CSMD3: variants seen among roughly 807,000 people sequenced by gnomAD.
CSMD3 encodes the protein CUB and Sushi multiple domains 3.
In CSMD3, 177 loss-of-function variants were observed where a neutral mutation model predicts 435.2. The observed-to-expected ratio is 0.41, with a 90% CI of 0.36 to 0.46. The LOEUF (loss-of-function observed/expected upper bound fraction) is 0.46. Among genes scored for constraint, CSMD3 ranks in the 20% least tolerant of loss-of-function variants. CSMD3 has a pLI of 0.34. For synonymous variants in CSMD3, 1,656 were observed against 1,520.5 expected (o/e 1.09, Z -2.07); for missense variants, 4,265 against 4,504.6 (o/e 0.95, Z 1.52).
intron 3 of CSMD3, among the ~76,000 whole-genome samples, chr8:113,277,534 A>C (rs2093581058): frequency 6.6e-6 from 1 of 152,014 alleles, no homozygotes; most frequent in Non-Finnish European, 1.5e-5. Flanking sequence ...CAAGATGTTA[A>C]CATTTATACT....
rs375495189 is a variant in CSMD3 at position 112,257,981 on chromosome 8, T to A, written c.9863-2554A>T. Among the ~76,000 whole-genome samples the A allele has an allele frequency of 3.8e-4, 58 of 152,070 alleles. No homozygotes were observed. In the South Asian group the frequency reaches 0.012, roughly 31 times the overall value. On this transcript the variant is annotated intron_variant, in intron 61 of 70. Transcript: ENST00000297405. Reference sequence around the variant, plus strand: ...GAGGCCTCAGAAATAACACCACACATCTACAACCATCCAATCTTTGACAAA... The same window carrying A: ...GAGGCCTCAGAAATAACACCACACAACTACAACCATCCAATCTTTGACAAA...
intron 22 of CSMD3, among the ~76,000 whole-genome samples, chr8:112,594,443 G>A (rs931422244): frequency 2.0e-5 from 3 of 152,194 alleles, no homozygotes; most frequent in Non-Finnish European, 2.9e-5. Flanking sequence ...GCTGGGGGAG[G>A]GGCGCCCGCC....
chr8:112,941,495 A>T (rs1013976253), intron 9 of CSMD3, among the ~76,000 whole-genome samples: 5 of 151,926 alleles, frequency 3.3e-5, no homozygotes, highest in African/African-American at 1.2e-4. Context: ...TAAATAAACG[A>T]TTAACTAAGA....
chr8:112,982,371 A>C (rs1327649090), intron 6 of CSMD3, among the ~76,000 whole-genome samples: 1 of 151,932 alleles, frequency 6.6e-6, no homozygotes, highest in Non-Finnish European at 1.5e-5. Flanking sequence ...GTTACATTTC[A>C]CAATAAGAGA....
At chr8:112,914,484 C>T (rs777698502) in intron 10 of CSMD3, among the ~76,000 whole-genome samples, 2 of 151,490 alleles carry the variant, frequency 1.3e-5, no homozygotes, top group African/African-American at 4.8e-5. Flanking sequence ...CCTAGCTCCA[C>T]AAAAATTACT....
Position 113,062,296 on chromosome 8 carries a change from T to C in CSMD3, c.917+36460A>G, listed in dbSNP as rs148018008. On this transcript the variant is annotated intron_variant, in intron 5 of 70. Transcript: ENST00000297405. ...CCTAAGAAGTTTGTACTAAATACAA[T>C]TGATTCTAAATAAGCATGAATATGA... 5.8e-3 allele frequency among the ~76,000 whole-genome samples: 875 copies of C among 151,998 alleles called. 2 individuals carry two copies. Among genetic ancestry groups the C allele is most frequent in the Non-Finnish European group, 8.6e-3 (580 of 67,792 alleles).
intron 32 of CSMD3, among the ~76,000 whole-genome samples, chr8:112,410,858 A>AAAATGGTAT (rs1478493326): frequency 6.7e-6 from 1 of 150,182 alleles, no homozygotes; most frequent in African/African-American, 2.4e-5. Flanking sequence ...AAAAAGAAAA[A>AAAATGGTAT]AAATGGTATT....
intron 63 of CSMD3, among the ~76,000 whole-genome samples, chr8:112,250,084 C>A (rs1413941001): frequency 6.6e-6 from 1 of 151,944 alleles, no homozygotes; most frequent in African/African-American, 2.4e-5. Flanking sequence ...CATCTCTATA[C>A]TTTAGATAAT....
intron 24 of CSMD3, among the ~76,000 whole-genome samples, chr8:112,569,317 T>C (rs1169364401): frequency 6.6e-6 from 1 of 152,102 alleles, no homozygotes; most frequent in Non-Finnish European, 1.5e-5. Flanking sequence ...GTTAAGTAGT[T>C]GAATCAAGAT....
intron 7 of CSMD3, among the ~76,000 whole-genome samples, chr8:112,957,187 G>T (rs1267266956): frequency 6.6e-6 from 1 of 151,998 alleles, no homozygotes; most frequent in East Asian, 1.9e-4. Flanking sequence ...ATTTATAAAA[G>T]ATACAGAGCA....
At chr8:112,816,197 T>TAACACCTAACAATAGTAACACAAGG (rs2079370978) in intron 12 of CSMD3, among the ~76,000 whole-genome samples, 1 of 152,100 alleles carries the variant, frequency 6.6e-6, no homozygotes, top group Non-Finnish European at 1.5e-5. Context: ...TAATTGCTGT[T>TAACACCTAACAATAGTAACACAAGG]AACACCTAAC....
chr8:113,063,085 A>T (rs1240860986), intron 5 of CSMD3, among the ~76,000 whole-genome samples: 1 of 151,734 alleles, frequency 6.6e-6, no homozygotes, highest in East Asian at 1.9e-4. Flanking sequence ...AAAAAATTCA[A>T]ATGTTTCAAT....
intron 31 of CSMD3, among the ~76,000 whole-genome samples, chr8:112,486,280 A>G (rs1423539635): frequency 6.6e-6 from 1 of 152,058 alleles, no homozygotes. Context: ...AAAAAGGTCA[A>G]TACAAAGTCC....
intron 6 of CSMD3, among the ~76,000 whole-genome samples, chr8:113,009,197 C>T (rs543659622): frequency 2.6e-5 from 4 of 151,814 alleles, no homozygotes; most frequent in African/African-American, 9.6e-5. Flanking sequence ...TACCAAAGCT[C>T]TCCACGGGAA....
In CSMD3 at chr8:112,295,818, G is replaced by T. The variant is rs779897678; in HGVS notation, c.8614+15C>A. ...AGATCAGAGGTCTCTAATTGCTTTT[G>T]CCATGCTTACTTACGCACACAGGAT... On this transcript the variant is annotated intron_variant, in intron 54 of 70. Transcript: ENST00000297405. 1 of 1,612,380 alleles carries T rather than the reference G, an allele frequency of 6.2e-7. No individual in the cohort carries two copies. The highest frequency in any genetic ancestry group is 8.5e-7 in the Non-Finnish European group (1 of 1,178,756).
intron 20 of CSMD3, among the ~76,000 whole-genome samples, chr8:112,641,347 C>A (rs73702361): frequency 6.6e-6 from 1 of 152,092 alleles, no homozygotes. Context: ...TGAGAAACTA[C>A]TATATTCTAG....
At chr8:112,450,687 G>C (rs957016092) in intron 32 of CSMD3, among the ~76,000 whole-genome samples, 46 of 152,114 alleles carry the variant, frequency 3.0e-4, no homozygotes, top group Non-Finnish European at 1.8e-4. Context: ...AAATTTAATT[G>C]TACAAAGTGC....
chr8:113,275,318 T>A (rs2093561543), intron 3 of CSMD3, among the ~76,000 whole-genome samples: 1 of 152,092 alleles, frequency 6.6e-6, no homozygotes, highest in Non-Finnish European at 1.5e-5. Context: ...TACACCAGAT[T>A]AGTTTGGTCT....
chr8:112,994,726 C>A (rs1250790948), intron 6 of CSMD3, among the ~76,000 whole-genome samples: 5 of 151,430 alleles, frequency 3.3e-5, no homozygotes, highest in African/African-American at 9.7e-5. Flanking sequence ...CATATTCAGG[C>A]CTTTTCACGT....
Sources: gnomAD v4.1 joint callset for allele counts (sites outside exome capture counted in the v4.1 genomes callset) on GRCh38, gnomAD v4.1.1 for gene constraint, MANE v1.5 for transcripts, NCBI Gene and HGNC (gene_info 2026-07-23, HGNC 2026-07-21) for gene names.